The following FASTKD2 variants were observed in gnomAD, a reference collection of about 807,000 sequenced individuals.
FASTKD2 encodes the protein FAST kinase domains 2, also known as FAST kinase domain-containing protein 2, mitochondrial.
A neutral mutation model predicts 63.6 loss-of-function variants in FASTKD2; 51 were observed. That is an observed-to-expected ratio of 0.80 (90% CI 0.64 to 1.01). FASTKD2 has a LOEUF of 1.01. Ranked by LOEUF, FASTKD2 falls within the 50% of genes least tolerant of loss-of-function variation. The pLI is 0.00. For missense variants in FASTKD2, 786 were observed against 831.1 expected (o/e 0.95, Z 0.67); for synonymous variants, 284 against 293.4 (o/e 0.97, Z 0.33).
chr2:206,787,601 G>T (rs1389192464), intron 8 of FASTKD2, among the ~76,000 whole-genome samples: 1 of 152,128 alleles, frequency 6.6e-6, no homozygotes, highest in Non-Finnish European at 1.5e-5. Context: ...TTGAACCTTG[G>T]AAACCTGGAT....
rs1197925115 is a variant in FASTKD2 at position 206,774,316 on chromosome 2, A to C, written c.1346A>C (p.Glu449Ala). 2.5e-6 allele frequency: 4 copies of C among 1,603,910 alleles called. No homozygotes were observed. Among genetic ancestry groups the C allele is most frequent in the Non-Finnish European group, 3.4e-6 (4 of 1,171,184 alleles). ...ATGAAGAGAATAGTAGAGGATCCTG[A>C]ATCCCTAAACATGAAAAACATTCTA... is the stretch of plus-strand genomic sequence containing the variant. ...LFMKRIVEDPESLNMKNILSI... is the reference protein window; with the variant it reads ...LFMKRIVEDPASLNMKNILSI... Residue 449 changes from glutamate to alanine, a missense_variant, in exon 7 of 12, where the codon GAA becomes GCA. Glu to Ala is a moderately radical substitution (Grantham distance 107). Coordinates refer to ENST00000402774, the MANE Select transcript of FASTKD2 (RefSeq NM_001136193.2).
chr2:206,788,491 G>T (rs900491707), intron 9 of FASTKD2, among the ~76,000 whole-genome samples: 1 of 151,962 alleles, frequency 6.6e-6, no homozygotes, highest in Non-Finnish European at 1.5e-5. Flanking sequence ...CCTAGCATGT[G>T]GAGAGGCCGA....
chr2:206,788,741 A>G (rs1469770668), intron 9 of FASTKD2, 78 bp from the exon 10 acceptor site: 2 of 778,870 alleles, frequency 2.6e-6, no homozygotes, highest in Non-Finnish European at 4.3e-6. Context: ...CAAAAAAAAA[A>G]AAAAAAAGGA....
rs1690300809 is a variant in FASTKD2 at position 206,792,068 on chromosome 2, T to G, written c.*266T>G. ...GATTTGTGAGCTGTACGTTTCACCT[T>G]TTCATCTTTGATCTACTAAAAACTG... is the stretch of plus-strand genomic sequence containing the variant. On this transcript the variant is annotated 3_prime_UTR_variant, in exon 12 of 12. Transcript: ENST00000402774. 2.3e-6 allele frequency: 1 copy of G among 442,476 alleles called. No individual in the cohort carries two copies. Among genetic ancestry groups the G allele is most frequent in the Non-Finnish European group, 4.1e-6 (1 of 241,904 alleles). The allele number at this position is 442,476 out of a possible 1,614,324, so 27.4% of individuals were successfully genotyped here. A position where few individuals can be genotyped will look rare whatever the true frequency, so the allele number is the denominator to read the frequency against.
At chr2:206,781,176 G>A (rs1239949181) in intron 7 of FASTKD2, among the ~76,000 whole-genome samples, 1 of 151,888 alleles carries the variant, frequency 6.6e-6, no homozygotes, top group East Asian at 1.9e-4. Flanking sequence ...TTGTAGCTTT[G>A]CATTGGTGTC....
rs776313844 is a variant in FASTKD2, at chr2:206,794,596, C to T, written c.*2794C>T. On this transcript the variant is annotated 3_prime_UTR_variant, in exon 12 of 12. Transcript: ENST00000402774. ...CTCTCCGAATTCTCAGTAGTTACCA[C>T]TGAATAGAAACTTTCTTTACACAAA... Among the ~76,000 whole-genome samples, 2 of 152,080 alleles carry T rather than the reference C, an allele frequency of 1.3e-5. No individual in the cohort carries two copies. The highest frequency in any genetic ancestry group is 4.8e-5 in the African/African-American group (2 of 41,402).
At chr2:206,788,306 C>T (rs992929385) in intron 9 of FASTKD2, 151 bp downstream of exon 9, 2 of 603,294 alleles carry the variant, frequency 3.3e-6, no homozygotes, top group African/African-American at 3.7e-5. Context: ...ATTCTTGTGA[C>T]CAATAAATGA....
chr2:206,778,331 T>G (rs770114399), intron 7 of FASTKD2, among the ~76,000 whole-genome samples: 1 of 152,164 alleles, frequency 6.6e-6, no homozygotes. Context: ...CCCATAATTT[T>G]GGGTATGTTG....
Position 206,766,739 on chromosome 2 carries a change from A to C in FASTKD2, c.46A>C (p.Lys16Gln). The C allele has an allele frequency of 6.2e-7, 1 of 1,614,088 alleles. No individual in the cohort carries two copies. Among genetic ancestry groups the C allele is most frequent in the South Asian group, 1.1e-5 (1 of 91,056 alleles). Reference sequence around the variant, plus strand: ...ATTTGGAAGTGTTTCAGTGGAGAGCAAAATGAATAACAAAGCGGGCTCCTT... The same window carrying C: ...ATTTGGAAGTGTTTCAGTGGAGAGCCAAATGAATAACAAAGCGGGCTCCTT... Reference protein sequence around the residue: ...KPFGSVSVESKMNNKAGSFFW... With the variant: ...KPFGSVSVESQMNNKAGSFFW... Residue 16 changes from lysine (K) to glutamine (Q), a missense_variant, in exon 2 of 12, where the codon AAA (lysine) becomes CAA (glutamine). By Grantham distance (53) the Lys-to-Gln change is moderately conservative (BLOSUM62 1). Transcript: ENST00000402774.
chr2:206,773,316 C>CA (rs869141094), intron 6 of FASTKD2, among the ~76,000 whole-genome samples: 18,721 of 67,256 alleles, frequency 0.28, 1,848 homozygotes, highest in Middle Eastern at 0.33. Context: ...AACTCTGTCT[C>CA]AAAAAAAAAA....
Position 206,790,824 on chromosome 2 carries a change from T to C in FASTKD2, c.2013+138T>C, listed in dbSNP as rs1030160067. On this transcript the variant is annotated intron_variant, in intron 11 of 11. Coordinates refer to ENST00000402774, the MANE Select transcript of FASTKD2 (RefSeq NM_001136193.2). ...ATTGGAATGAGTGCTTTAGTTACTG[T>C]TTTCTTTGAAAAAGAACATTGCTAG... The C allele has an allele frequency of 1.9e-5, 13 of 691,818 alleles. No homozygotes were observed. The African/African-American group carries it at 2.1e-4, about 11-fold the overall frequency. The allele number at this position is 691,818 out of a possible 1,614,324, so 42.9% of individuals were successfully genotyped here. A position where few individuals can be genotyped will look rare whatever the true frequency, so the allele number is the denominator to read the frequency against.
chr2:206,777,629 C>T (rs1402763313), intron 7 of FASTKD2, among the ~76,000 whole-genome samples: 2 of 152,074 alleles, frequency 1.3e-5, no homozygotes, highest in African/African-American at 4.8e-5. Flanking sequence ...TGTCATAATG[C>T]ATGTGTCTGG....
rs2105990221 is a variant in FASTKD2 at position 206,792,010 on chromosome 2, A to G, written c.*208A>G. ...AAATTCCAGAAGGGTTATTTTTCCA[A>G]CCACACCTATTCCCTCTAGTGCCCA... is the stretch of plus-strand genomic sequence containing the variant. On this transcript the variant is annotated 3_prime_UTR_variant, in exon 12 of 12. Transcript: ENST00000402774. 3.5e-6 allele frequency: 2 copies of G among 568,798 alleles called. No homozygotes were observed. The highest frequency in any genetic ancestry group is 6.3e-6 in the Non-Finnish European group (2 of 319,948). The allele number at this position is 568,798 out of a possible 1,614,324, so 35.2% of individuals were successfully genotyped here. A position where few individuals can be genotyped will look rare whatever the true frequency, so the allele number is the denominator to read the frequency against.
At chr2:206,786,626 G>T in intron 7 of FASTKD2, 107 bp from the exon 8 acceptor site, 1 of 940,530 alleles carries the variant, frequency 1.1e-6, no homozygotes. Flanking sequence ...AGAATGATGT[G>T]TGGATACTTA....
At chr2:206,790,518 A>C in intron 10 of FASTKD2, 54 bp from the exon 11 acceptor site, 1 of 1,050,936 alleles carries the variant, frequency 9.5e-7, no homozygotes, top group African/African-American at 1.6e-5. Flanking sequence ...GAATGCAGCA[A>C]GACTAAATAG....
intron 7 of FASTKD2, among the ~76,000 whole-genome samples, chr2:206,782,247 T>C (rs1456418919): frequency 6.6e-6 from 1 of 152,178 alleles, no homozygotes; most frequent in Non-Finnish European, 1.5e-5. Flanking sequence ...TGTGCCGGCT[T>C]TGGGGAGGGG....
rs925912944 is a variant in FASTKD2 at position 206,777,777 on chromosome 2, C to T, written c.1427+3380C>T. ...ACTTCAGCAATGAAGCTATCTAGTC[C>T]TGGCCTTTTTCATTGTTGGGAAGTT... On this transcript the variant is annotated intron_variant, in intron 7 of 11. Coordinates refer to ENST00000402774, the MANE Select transcript of FASTKD2 (RefSeq NM_001136193.2). Among the ~76,000 whole-genome samples the T allele has an allele frequency of 2.6e-5, 4 of 152,252 alleles. No individual in the cohort carries two copies. The East Asian group carries it at 5.8e-4, about 22-fold the overall frequency.
intron 9 of FASTKD2, among the ~76,000 whole-genome samples, chr2:206,788,500 G>A (rs1690195014): frequency 6.6e-6 from 1 of 152,020 alleles, no homozygotes; most frequent in African/African-American, 2.4e-5. Context: ...TGGAGAGGCC[G>A]AGGCAGGTGG....
intron 11 of FASTKD2, 198 bp from the exon 12 acceptor site, chr2:206,791,485 T>C: frequency 1.7e-6 from 1 of 574,150 alleles, no homozygotes; most frequent in South Asian, 2.1e-5. Context: ...TTAAAATTTG[T>C]ATAATTTTCA....
Sources: allele counts gnomAD v4.1 joint callset (sites outside exome capture counted in the v4.1 genomes callset), GRCh38; gene constraint gnomAD v4.1.1; transcripts MANE v1.5; gene names NCBI Gene and HGNC (gene_info 2026-07-23, HGNC 2026-07-21).